The following OMA1 variants were observed in gnomAD, a reference collection of about 807,000 sequenced individuals.
OMA1 encodes metalloendopeptidase OMA1, mitochondrial.
OMA1 carries 38 observed loss-of-function variants against 30.9 expected under a neutral mutation model. The ratio of observed to expected loss-of-function variants is 1.23; its 90% CI spans 0.95 to 1.61. The LOEUF is 1.61. Ranked by LOEUF, OMA1 falls within the 40% of genes most tolerant of loss-of-function variation. OMA1 has a pLI of 0.00. For missense variants in OMA1, 461 were observed against 349.2 expected (o/e 1.32, Z -2.55); for synonymous variants, 173 against 121.9 (o/e 1.42, Z -2.76).
intron 7 of OMA1, among the ~76,000 whole-genome samples, chr1:58,525,556 A>G (rs575213767): frequency 1.3e-3 from 193 of 152,290 alleles, no homozygotes; most frequent in African/African-American, 4.5e-3. Flanking sequence ...AAACATCGAG[A>G]AAAATTAAAC....
chr1:58,497,044 A>G (rs1474433497), intron 8 of OMA1, among the ~76,000 whole-genome samples: 2 of 152,222 alleles, frequency 1.3e-5, no homozygotes, highest in African/African-American at 4.8e-5. Context: ...GAGACTTCCA[A>G]TGCAAAGCAC....
intron 7 of OMA1, among the ~76,000 whole-genome samples, chr1:58,508,794 A>C (rs953792400): frequency 6.6e-6 from 1 of 152,170 alleles, no homozygotes; most frequent in Non-Finnish European, 1.5e-5. Context: ...GAAGCTCAGC[A>C]TGAAATGAGT....
chr1:58,532,958 A>G (rs749942856), intron 5 of OMA1, among the ~76,000 whole-genome samples: 18 of 152,152 alleles, frequency 1.2e-4, no homozygotes, highest in Non-Finnish European at 2.5e-4. Flanking sequence ...ATTTGAGATT[A>G]CTCTTAGAAG....
At chr1:58,509,120 G>A (rs1646034037) in intron 7 of OMA1, among the ~76,000 whole-genome samples, 1 of 152,060 alleles carries the variant, frequency 6.6e-6, no homozygotes, top group Admixed American at 6.6e-5. Flanking sequence ...AGAGGTTGCT[G>A]TTTTTTCCTA....
At chr1:58,498,674 C>T (rs973486282) in intron 8 of OMA1, among the ~76,000 whole-genome samples, 1 of 152,174 alleles carries the variant, frequency 6.6e-6, no homozygotes, top group Non-Finnish European at 1.5e-5. Context: ...GCCTATATAA[C>T]TATGTTTCTT....
intron 8 of OMA1, among the ~76,000 whole-genome samples, chr1:58,494,890 A>G (rs989868419): frequency 2.0e-5 from 3 of 152,150 alleles, no homozygotes; most frequent in African/African-American, 7.2e-5. Context: ...AACTAGAAAT[A>G]CCATTTGACC....
intron 7 of OMA1, among the ~76,000 whole-genome samples, chr1:58,511,027 T>C (rs565509224): frequency 1.4e-4 from 21 of 152,282 alleles, no homozygotes; most frequent in Non-Finnish European, 2.2e-4. Context: ...TAAGACTTAA[T>C]ATCGTTAAAA....
At chr1:58,488,164 A>C (rs1359212109) in intron 8 of OMA1, among the ~76,000 whole-genome samples, 1 of 152,188 alleles carries the variant, frequency 6.6e-6, no homozygotes, top group Non-Finnish European at 1.5e-5. Context: ...ATCATTATAA[A>C]GTTCATTGAT....
intron 3 of OMA1, among the ~76,000 whole-genome samples, chr1:58,534,753 G>A (rs1330483046): frequency 1.3e-5 from 2 of 152,062 alleles, no homozygotes; most frequent in Non-Finnish European, 2.9e-5. Context: ...TGGGCAACAT[G>A]GTGAAACCCC....
intron 8 of OMA1, among the ~76,000 whole-genome samples, chr1:58,503,570 C>T (rs1367866873): frequency 6.6e-6 from 1 of 151,980 alleles, no homozygotes; most frequent in Non-Finnish European, 1.5e-5. Context: ...AGGAGGTAAG[C>T]GCCTTTGGGA....
intron 3 of OMA1, among the ~76,000 whole-genome samples, chr1:58,536,260 G>A (rs1177652059): frequency 6.6e-6 from 1 of 152,114 alleles, no homozygotes; most frequent in Non-Finnish European, 1.5e-5. Context: ...GATAATCAAG[G>A]AAGGTTTTCC....
Position 58,538,951 on chromosome 1 carries a change from G to C in OMA1, c.344C>G (p.Ala115Gly). The change falls in exon 2 of 9, where the codon GCA (alanine) becomes GGA (glycine). Residue 115 changes from alanine (A) to glycine (G), a missense_variant. Transcript: ENST00000371226. Reference protein sequence around the residue: ...SRQLLIKEVTAVPSLSVLHPL... With the variant: ...SRQLLIKEVTGVPSLSVLHPL... ...ATGCAATACTGACAGACTAGGGACT[G>C]CTGTAACTTCTTTTATTAGCAGCTG... 1 of 872,852 alleles carries C rather than the reference G, an allele frequency of 1.1e-6. No individual in the cohort carries two copies. Among genetic ancestry groups the C allele is most frequent in the Non-Finnish European group, 2.0e-6 (1 of 501,620 alleles). 54.1% of individuals were successfully genotyped at this position (872,852 alleles called of 1,614,324 possible).
intron 1 of OMA1, among the ~76,000 whole-genome samples, chr1:58,539,796 T>C (rs1646575896): frequency 6.6e-6 from 1 of 152,146 alleles, no homozygotes; most frequent in Non-Finnish European, 1.5e-5. Context: ...TGGAGAGTGC[T>C]TCCAGGCCAC....
chr1:58,525,747 G>C (rs1315509972), intron 7 of OMA1, among the ~76,000 whole-genome samples: 1 of 152,052 alleles, frequency 6.6e-6, no homozygotes, highest in African/African-American at 2.4e-5. Flanking sequence ...GAAATGCAAA[G>C]ATCCAAGAAG....
chr1:58,516,352 G>A (rs1271108005), intron 7 of OMA1, among the ~76,000 whole-genome samples: 2 of 152,178 alleles, frequency 1.3e-5, no homozygotes, highest in African/African-American at 4.8e-5. Context: ...TATAATGACT[G>A]CAAAGTGTCA....
rs145363501 is a variant in OMA1, at chr1:58,495,616, T to C, written c.1365+10444A>G. 5.2e-3 allele frequency among the ~76,000 whole-genome samples: 791 copies of C among 152,098 alleles called. 10 individuals are homozygous for C. Among genetic ancestry groups the C allele is most frequent in the African/African-American group, 0.018 (741 of 41,476 alleles). On this transcript the variant is annotated intron_variant, in intron 8 of 8. Transcript: ENST00000371226. ...ATTTTATCTAATTCCTGATTGTCAGTAGATTCTGGAAAGAGCACTGTTGCA... is the reference window on the plus strand; with the variant it reads ...ATTTTATCTAATTCCTGATTGTCAGCAGATTCTGGAAAGAGCACTGTTGCA...
intron 7 of OMA1, among the ~76,000 whole-genome samples, chr1:58,525,299 A>G (rs1646332043): frequency 6.6e-6 from 1 of 152,048 alleles, no homozygotes; most frequent in Non-Finnish European, 1.5e-5. Context: ...CTTCCAATAT[A>G]TTTATTGAAA....
At chr1:58,484,582 G>C (rs1026365115) in intron 8 of OMA1, among the ~76,000 whole-genome samples, 2 of 152,168 alleles carry the variant, frequency 1.3e-5, no homozygotes, top group African/African-American at 4.8e-5. Context: ...GAGTCTCAGA[G>C]AAGTTAAATG....
At chr1:58,490,308 T>C (rs1645658028) in intron 8 of OMA1, among the ~76,000 whole-genome samples, 1 of 152,160 alleles carries the variant, frequency 6.6e-6, no homozygotes, top group South Asian at 2.1e-4. Context: ...CAAGCCTCAG[T>C]AGCCGATTCG....
Sources: allele counts gnomAD v4.1 joint callset (sites outside exome capture counted in the v4.1 genomes callset), GRCh38; gene constraint gnomAD v4.1.1; transcripts MANE v1.5; gene names NCBI Gene and HGNC (gene_info 2026-07-23, HGNC 2026-07-21).